The following LIMS2 variants were observed in gnomAD, a reference collection of about 807,000 sequenced individuals.
LIMS2 encodes LIM zinc finger domain containing 2.
In LIMS2, 30 loss-of-function variants were observed where a neutral mutation model predicts 45.3. The observed-to-expected ratio is 0.66, with a 90% CI of 0.50 to 0.90. The LOEUF (loss-of-function observed/expected upper bound fraction) is 0.90. Ranked by LOEUF, LIMS2 falls within the 40% of genes least tolerant of loss-of-function variation. The probability of loss-of-function intolerance (pLI) is 0.00; values close to 1 mark genes in which losing one functional copy is unlikely to be tolerated. For synonymous variants in LIMS2, 173 were observed against 188.0 expected, an observed-to-expected ratio of 0.92 and a Z score of 0.65; for missense variants, 485 against 468.7, an observed-to-expected ratio of 1.03 and a Z score of -0.32.
intron 1 of LIMS2, among the ~76,000 whole-genome samples, chr2:127,668,261 T>C (rs2105336778): frequency 6.6e-6 from 1 of 152,318 alleles, no homozygotes; most frequent in South Asian, 2.1e-4. Context: ...AATTGACCTA[T>C]AGATTCAATA....
Position 127,642,110 on chromosome 2 carries a change from GC to G in LIMS2, c.598del (p.Ala200ProfsTer64). On this transcript the variant is annotated frameshift_variant, in exon 6 of 10. Transcript: ENST00000355119. LOFTEE classifies it high-confidence loss of function. The surrounding 1 kb of genome is among the most constrained non-coding windows in gnomAD (Gnocchi z 5.3). ...HDKMGVPICG[A>X]CRRPIEGRVV... is the part of the protein sequence containing the mutation. ...TCGGCCCTCGATGGGCCGGCGGCAGGCCCCGCAGATGGGGACGCCCATCTTG... is the reference window on the plus strand; with the variant it reads ...TCGGCCCTCGATGGGCCGGCGGCAGGCCCGCAGATGGGGACGCCCATCTTG... 6.2e-7 allele frequency: 1 copy of G among 1,608,682 alleles called. No homozygotes were observed. The highest frequency in any genetic ancestry group is 8.5e-7 in the Non-Finnish European group (1 of 1,177,588).
intron 4 of LIMS2, 187 bp from the exon 5 acceptor site, chr2:127,643,259 G>A: frequency 3.2e-6 from 2 of 625,476 alleles, no homozygotes. Flanking sequence ...TGTGTCCTGG[G>A]AATGGGACGC....
At chr2:127,649,276 A>G (rs1271029555) in intron 4 of LIMS2, among the ~76,000 whole-genome samples, 1 of 152,104 alleles carries the variant, frequency 6.6e-6, no homozygotes, top group African/African-American at 2.4e-5. Context: ...GTGCAGAGCC[A>G]GGCTCGCCCA....
chr2:127,643,884 G>A (rs998444637), intron 4 of LIMS2, among the ~76,000 whole-genome samples: 1 of 151,988 alleles, frequency 6.6e-6, no homozygotes, highest in African/African-American at 2.4e-5. Flanking sequence ...CAGCCCCAGG[G>A]GCCCTCTCCA....
rs1230321287 is a variant in LIMS2 at position 127,649,998 on chromosome 2, C to A, written c.359+4426G>T. On this transcript the variant is annotated intron_variant, in intron 4 of 9. Coordinates refer to ENST00000355119, the MANE Select transcript of LIMS2 (RefSeq NM_001161403.3). ...ACAGGCTTCTCCTAAACACAGGTCT[C>A]CCCACCTGTCAGGATGTCCAAACGG... 7 of 1,602,708 alleles carry A rather than the reference C, an allele frequency of 4.4e-6. No homozygotes were observed. The South Asian group carries it at 7.8e-5, about 18-fold the overall frequency.
chr2:127,652,635 GA>G (rs1326687380), intron 4 of LIMS2: 83 of 162,188 alleles, frequency 5.1e-4, no homozygotes, highest in African/African-American at 1.9e-3. Flanking sequence ...GTAGCTTTAA[GA>G]CTACACAGGT....
chr2:127,650,094 C>A (rs1016445118), intron 4 of LIMS2: 1 of 1,591,038 alleles, frequency 6.3e-7, no homozygotes, highest in African/African-American at 1.3e-5. Flanking sequence ...AAAGAGTAGA[C>A]CTCTGACGTC....
In LIMS2 at chr2:127,664,181, T is replaced by A; in HGVS notation, c.12-6619A>T. 1 of 728,456 alleles carries A rather than the reference T, an allele frequency of 1.4e-6. No individual in the cohort carries two copies. Among genetic ancestry groups the A allele is most frequent in the Non-Finnish European group, 1.8e-6 (1 of 548,208 alleles). The allele number at this position is 728,456 out of a possible 1,614,324, so 45.1% of individuals were successfully genotyped here. On this transcript the variant is annotated intron_variant, in intron 1 of 9. Coordinates refer to ENST00000355119, the MANE Select transcript of LIMS2 (RefSeq NM_001161403.3). This position sits in a 1 kb window ranked among gnomAD's most constrained non-coding sequence, Gnocchi z 5.5. The stretch of plus-strand genomic sequence containing the variant: ...CACCCTGTCGCCAACCCAGGGCCCA[T>A]CCGACGCCGGGGCAGAGCCCACGGC...
At chr2:127,662,740 A>G (rs946717994) in intron 1 of LIMS2, among the ~76,000 whole-genome samples, 2 of 151,970 alleles carry the variant, frequency 1.3e-5, no homozygotes, top group Non-Finnish European at 2.9e-5. Context: ...ACATGTATAC[A>G]TATGGAACAA....
Sources: gnomAD v4.1 joint callset for allele counts (sites outside exome capture counted in the v4.1 genomes callset) on GRCh38, gnomAD v4.1.1 for gene constraint, Gnocchi (gnomAD v3.1) non-coding constraint, MANE v1.5 for transcripts, NCBI Gene and HGNC (gene_info 2026-07-23, HGNC 2026-07-21) for gene names.